Variants in AGMO observed in about 807,000 individuals in gnomAD.
AGMO encodes glyceryl-ether monooxygenase.
A neutral mutation model predicts 60.2 loss-of-function variants in AGMO; 75 were observed. That is an observed-to-expected ratio of 1.25 (90% CI 1.03 to 1.51). AGMO has a LOEUF of 1.51. AGMO is among the 40% of genes most tolerant of loss of function. The probability of loss-of-function intolerance (pLI) is 0.00; values close to 1 mark genes in which losing one functional copy is unlikely to be tolerated. For synonymous variants in AGMO, 261 were observed against 177.1 expected, an observed-to-expected ratio of 1.47 and a Z score of -3.76; for missense variants, 763 against 525.5, an observed-to-expected ratio of 1.45 and a Z score of -4.42.
Position 15,399,115 on chromosome 7 carries a change from C to T in AGMO, c.610-4936G>A, listed in dbSNP as rs560097892. Among the ~76,000 whole-genome samples the T allele has an allele frequency of 2.9e-4, 44 of 152,122 alleles. 1 individual carries two copies. The highest frequency in any genetic ancestry group is 4.4e-4 in the Non-Finnish European group (30 of 68,004). ...GGTATTTTAGGGATTTTTGCTGCTC[C>T]TTTGGTCTCTGAAGCAATGCTCTAA... On this transcript the variant is annotated intron_variant, in intron 5 of 12. Coordinates refer to ENST00000342526, the MANE Select transcript of AGMO (RefSeq NM_001004320.2).
intron 12 of AGMO, among the ~76,000 whole-genome samples, chr7:15,284,901 C>G (rs1784061349): frequency 6.6e-6 from 1 of 151,992 alleles, no homozygotes; most frequent in African/African-American, 2.4e-5. Context: ...GGTTTCATTA[C>G]AGGGATGCAG....
intron 3 of AGMO, among the ~76,000 whole-genome samples, chr7:15,527,685 T>G (rs1379203398): frequency 6.6e-6 from 1 of 152,194 alleles, no homozygotes; most frequent in Non-Finnish European, 1.5e-5. Flanking sequence ...CAATCTACAA[T>G]TTTCATAGTT....
rs190850360 is a variant in AGMO, at chr7:15,377,304, C to G, written c.1074+8142G>C. ...ATTTGTGTCAGGAATGAAGCTGTCT[C>G]CAACTCTACTTTCAGTTTGTAAAGG... On this transcript the variant is annotated intron_variant, in intron 10 of 12. Coordinates refer to ENST00000342526, the MANE Select transcript of AGMO (RefSeq NM_001004320.2). 7.1e-4 allele frequency among the ~76,000 whole-genome samples: 108 copies of G among 152,204 alleles called. 1 individual carries two copies. The highest frequency in any genetic ancestry group is 1.3e-3 in the Non-Finnish European group (88 of 67,956).
intron 12 of AGMO, among the ~76,000 whole-genome samples, chr7:15,320,640 A>T (rs1583403530): frequency 6.6e-6 from 1 of 152,122 alleles, no homozygotes; most frequent in South Asian, 2.1e-4. Context: ...AGAGAAGCTG[A>T]ATTTTTTCAT....
At chr7:15,386,903 C>T (rs1296631207) in intron 9 of AGMO, among the ~76,000 whole-genome samples, 1 of 152,080 alleles carries the variant, frequency 6.6e-6, no homozygotes, top group Non-Finnish European at 1.5e-5. Flanking sequence ...AATGTGGTTT[C>T]TGCATTTAAT....
chr7:15,295,825 C>T (rs1054205036), intron 12 of AGMO, among the ~76,000 whole-genome samples: 4 of 152,004 alleles, frequency 2.6e-5, no homozygotes, highest in Admixed American at 6.6e-5. Flanking sequence ...CAATGCTCAA[C>T]GCAGTTTTAA....
intron 3 of AGMO, among the ~76,000 whole-genome samples, chr7:15,480,694 C>T (rs1368802176): frequency 1.6e-4 from 25 of 152,102 alleles, no homozygotes; most frequent in Non-Finnish European, 3.5e-4. Context: ...TCCCATTTCA[C>T]AAGAAAATTT....
chr7:15,445,236 G>A (rs1373006439), intron 3 of AGMO, among the ~76,000 whole-genome samples: 1 of 152,116 alleles, frequency 6.6e-6, no homozygotes, highest in East Asian at 1.9e-4. Context: ...ATCAGTATTG[G>A]TGTAGGTCAA....
the AGMO span, among the ~76,000 whole-genome samples, chr7:15,135,830 T>C: frequency 6.6e-6 from 1 of 151,942 alleles, no homozygotes; most frequent in Non-Finnish European, 1.5e-5. Context: ...GGACTTTTTT[T>C]TTCCTTTTAC....
At chr7:15,160,777 A>G in the AGMO span, among the ~76,000 whole-genome samples, 1 of 152,184 alleles carries the variant, frequency 6.6e-6, no homozygotes, top group Non-Finnish European at 1.5e-5. Flanking sequence ...AAATGCTAGT[A>G]TAACTATTGC....
At chr7:15,146,819 T>C in the AGMO span, among the ~76,000 whole-genome samples, 3 of 152,150 alleles carry the variant, frequency 2.0e-5, no homozygotes, top group Non-Finnish European at 4.4e-5. Flanking sequence ...TCTGAAACAG[T>C]AGCATCTCAA....
intron 3 of AGMO, among the ~76,000 whole-genome samples, chr7:15,515,232 T>A (rs1583633878): frequency 6.6e-6 from 1 of 152,356 alleles, no homozygotes; most frequent in East Asian, 1.9e-4. Flanking sequence ...AACTCTCTAG[T>A]GAATTTCCAC....
chr7:15,155,268 T>TGG, the AGMO span, among the ~76,000 whole-genome samples: 4 of 152,090 alleles, frequency 2.6e-5, no homozygotes. Flanking sequence ...TACATAATCC[T>TGG]ATATTTCCTG....
intron 12 of AGMO, among the ~76,000 whole-genome samples, chr7:15,312,544 G>C (rs1022902438): frequency 6.6e-6 from 1 of 150,886 alleles, no homozygotes; most frequent in African/African-American, 2.4e-5. Flanking sequence ...TGGCGGGGGC[G>C]GTGGGGGGAG....
At chr7:15,314,323 G>C (rs979929803) in intron 12 of AGMO, among the ~76,000 whole-genome samples, 2 of 152,108 alleles carry the variant, frequency 1.3e-5, no homozygotes, top group African/African-American at 4.8e-5. Flanking sequence ...AGAAAGCAAA[G>C]CTGCAGATAA....
chr7:15,251,661 T>C (rs1031409663), intron 12 of AGMO, among the ~76,000 whole-genome samples: 1 of 152,162 alleles, frequency 6.6e-6, no homozygotes, highest in Non-Finnish European at 1.5e-5. Context: ...CGCAGAAGGA[T>C]CTAGGACAGG....
intron 3 of AGMO, among the ~76,000 whole-genome samples, chr7:15,511,416 C>G (rs924558539): frequency 6.6e-6 from 1 of 152,022 alleles, no homozygotes; most frequent in African/African-American, 2.4e-5. Flanking sequence ...TGACTTTGAA[C>G]AAAACAACTT....
intron 3 of AGMO, among the ~76,000 whole-genome samples, chr7:15,528,435 A>G (rs1378944772): frequency 6.6e-6 from 1 of 152,056 alleles, no homozygotes; most frequent in Non-Finnish European, 1.5e-5. Flanking sequence ...ATAATATTAT[A>G]TATTATACAT....
At chr7:15,173,234 A>T in the AGMO span, among the ~76,000 whole-genome samples, 3 of 152,140 alleles carry the variant, frequency 2.0e-5, no homozygotes, top group African/African-American at 7.2e-5. Context: ...AAGTAAATTT[A>T]TTCACTTGTA....
Sources: allele counts gnomAD v4.1 joint callset (sites outside exome capture counted in the v4.1 genomes callset), GRCh38; gene constraint gnomAD v4.1.1; transcripts MANE v1.5; gene names NCBI Gene and HGNC (gene_info 2026-07-23, HGNC 2026-07-21).